Variants in CDH26 observed in about 807,000 individuals in gnomAD.
The protein encoded by CDH26 is cadherin 26, also known as cadherin-like protein 26.
A neutral mutation model predicts 90.3 loss-of-function variants in CDH26; 83 were observed. The observed-to-expected ratio is 0.92, with a 90% CI of 0.77 to 1.10. The LOEUF (loss-of-function observed/expected upper bound fraction) is 1.10, where lower values mean the gene tolerates loss of function less well. Among genes scored for constraint, CDH26 ranks in the 50% least tolerant of loss-of-function variants. CDH26 has a pLI of 0.00. For missense variants in CDH26, 1,013 were observed against 1,037.6 expected (o/e 0.98, Z 0.33); for synonymous variants, 397 against 396.3 (o/e 1.00, Z -0.02).
At chr20:60,026,314 T>A (rs1203059324) in intron 7 of CDH26, among the ~76,000 whole-genome samples, 1 of 151,908 alleles carries the variant, frequency 6.6e-6, no homozygotes, top group Non-Finnish European at 1.5e-5. Context: ...AATAGGGCAT[T>A]GATCTTGCAT....
chr20:60,018,377 G>A (rs377400954), downstream of CDH26, among the ~76,000 whole-genome samples: 2 of 151,900 alleles, frequency 1.3e-5, no homozygotes, highest in Non-Finnish European at 2.9e-5. Context: ...TCTTTTTACA[G>A]CATTTGACTT....
chr20:60,016,305 G>T (rs1298860270), downstream of CDH26, among the ~76,000 whole-genome samples: 2 of 152,034 alleles, frequency 1.3e-5, no homozygotes, highest in Non-Finnish European at 2.9e-5. Context: ...TCAGTATTTT[G>T]TAATCTTTTT....
intron 9 of CDH26, among the ~76,000 whole-genome samples, chr20:59,990,879 C>CTT (rs1189904888): frequency 8.5e-5 from 12 of 141,008 alleles, no homozygotes; most frequent in African/African-American, 3.2e-4. Flanking sequence ...TTTTTTTTTT[C>CTT]TTTTTTTTGA....
intron 3 of CDH26, among the ~76,000 whole-genome samples, chr20:59,970,788 C>T (rs1040449377): frequency 4.0e-5 from 6 of 149,970 alleles, no homozygotes; most frequent in African/African-American, 9.8e-5. Context: ...CCAGCCTGGG[C>T]GACAGCGAGA....
At chr20:60,021,897 C>CACACACACATATAT (rs1295572684) in intron 7 of CDH26, among the ~76,000 whole-genome samples, 8 of 78,998 alleles carry the variant, frequency 1.0e-4, no homozygotes, top group South Asian at 4.4e-4. Context: ...CACACACACA[C>CACACACACATATAT]ATATATATAT....
At chr20:59,962,786 G>A (rs1569020564) in intron 1 of CDH26, among the ~76,000 whole-genome samples, 2 of 152,168 alleles carry the variant, frequency 1.3e-5, no homozygotes, top group Non-Finnish European at 2.9e-5. Flanking sequence ...AGAAGAGCTG[G>A]CCTTAGGAAG....
chr20:59,984,771 G>C lies in CDH26; in HGVS notation c.674G>C (p.Gly225Ala). 6.2e-7 allele frequency: 1 copy of C among 1,612,738 alleles called. No homozygotes were observed. The highest frequency in any genetic ancestry group is 1.1e-5 in the South Asian group (1 of 90,584). The change falls in exon 6 of 18, where the codon GGA (glycine) becomes GCA (alanine). Residue 225 changes from glycine (G) to alanine (A), a missense_variant. Gly to Ala is a moderately conservative substitution (Grantham distance 60). Coordinates refer to ENST00000348616, the MANE Select transcript of CDH26 (RefSeq NM_177980.4). ...GGTTTCCGGGTTGATCGCCTTAGTG[G>C]AGAAATACGACTCTCTGGCTGCTTA... ...ESGFRVDRLS[G>A]EIRLSGCLDY... is the part of the protein sequence containing the mutation.
intron 9 of CDH26, among the ~76,000 whole-genome samples, chr20:59,991,282 T>G (rs547815670): frequency 6.6e-6 from 1 of 152,212 alleles, no homozygotes; most frequent in Non-Finnish European, 1.5e-5. Context: ...TCAGGAAATG[T>G]TTGGACTGTG....
chr20:60,015,111 A>G (rs2061894143), downstream of CDH26, among the ~76,000 whole-genome samples: 1 of 152,166 alleles, frequency 6.6e-6, no homozygotes, highest in Non-Finnish European at 1.5e-5. Flanking sequence ...CAGCCTCCCA[A>G]GTAGCTGGGA....
chr20:59,994,702 C>T (rs1312773272), intron 11 of CDH26, among the ~76,000 whole-genome samples: 1 of 152,104 alleles, frequency 6.6e-6, no homozygotes, highest in African/African-American at 2.4e-5. Flanking sequence ...GGAAACTCTC[C>T]TCATCAGGGG....
Position 60,024,200 on chromosome 20 carries a change from C to T in CDH26, c.948-7031C>T, listed in dbSNP as rs2061979545. 3.3e-5 allele frequency among the ~76,000 whole-genome samples: 5 copies of T among 152,246 alleles called. No homozygotes were observed. The South Asian group carries it at 1.0e-3, about 31-fold the overall frequency. On this transcript the variant is annotated intron_variant, in intron 7 of 8. Transcript: ENST00000370991. ...TGATTCCTCTGGGGGGTTGGAACAACCAACCTTCAAAGCAAGAAGCAAACT... is the reference window on the plus strand; with the variant it reads ...TGATTCCTCTGGGGGGTTGGAACAATCAACCTTCAAAGCAAGAAGCAAACT...
At chr20:59,966,179 C>T (rs1039665517) in intron 1 of CDH26, among the ~76,000 whole-genome samples, 7 of 136,028 alleles carry the variant, frequency 5.1e-5, no homozygotes, top group South Asian at 2.4e-4. Flanking sequence ...GATACCCTGG[C>T]GTGAATCATC....
intron 14 of CDH26, 55 bp downstream of exon 14, chr20:59,999,718 T>G (rs2061650527): frequency 6.5e-7 from 1 of 1,550,164 alleles, no homozygotes; most frequent in Admixed American, 1.7e-5. Context: ...TCCTGGTGGT[T>G]TCCCTGACAA....
chr20:60,009,115 A>G (rs561320812), intron 17 of CDH26, among the ~76,000 whole-genome samples: 1 of 152,304 alleles, frequency 6.6e-6, no homozygotes, highest in Admixed American at 6.5e-5. Flanking sequence ...TGAAAGAACC[A>G]TTTTCACTAT....
chr20:59,977,733 T>A (rs770889055), intron 4 of CDH26, among the ~76,000 whole-genome samples: 5 of 148,726 alleles, frequency 3.4e-5, no homozygotes, highest in Non-Finnish European at 5.9e-5. Context: ...TTTGCTATAA[T>A]GTATGTGCTA....
intron 2 of CDH26, among the ~76,000 whole-genome samples, chr20:59,969,692 G>A (rs194982): frequency 0.14 from 20,919 of 152,192 alleles, 3,019 homozygotes; most frequent in African/African-American, 0.37. Flanking sequence ...TTAAAGGTCT[G>A]TCAGCACCTA....
Position 60,012,819 on chromosome 20 carries a change from C to G in CDH26, c.*89C>G. 7.9e-7 allele frequency: 1 copy of G among 1,268,278 alleles called. No homozygotes were observed. Among genetic ancestry groups the G allele is most frequent in the Non-Finnish European group, 1.1e-6 (1 of 909,892 alleles). The allele number at this position is 1,268,278 out of a possible 1,614,324, so 78.6% of individuals were successfully genotyped here. ...TTCCCCTTTGCTCTTCTTTTCCCTC[C>G]TTAAAAGAAAAATTACCTTCTAGTC... On this transcript the variant is annotated 3_prime_UTR_variant, in exon 18 of 18. Transcript: ENST00000348616.
chr20:60,003,521 T>C (rs917892213), intron 16 of CDH26, among the ~76,000 whole-genome samples: 3 of 152,198 alleles, frequency 2.0e-5, no homozygotes, highest in Non-Finnish European at 4.4e-5. Context: ...CAAATCTTAA[T>C]GGTTTTTGAA....
At chr20:59,999,104 T>C (rs1465976765) in intron 13 of CDH26, among the ~76,000 whole-genome samples, 4 of 152,170 alleles carry the variant, frequency 2.6e-5, no homozygotes, top group East Asian at 1.9e-4. Flanking sequence ...CAGAAATGCA[T>C]AGATGCCTTC....
Sources: allele counts gnomAD v4.1 joint callset (sites outside exome capture counted in the v4.1 genomes callset), GRCh38; gene constraint gnomAD v4.1.1; transcripts MANE v1.5; gene names NCBI Gene and HGNC (gene_info 2026-07-23, HGNC 2026-07-21).